NLRP5: variants seen among roughly 807,000 people sequenced by gnomAD.
NLRP5 encodes NLR family pyrin domain containing 5.
In NLRP5, 93 loss-of-function variants were observed where a neutral mutation model predicts 113.1. The ratio of observed to expected loss-of-function variants is 0.82; its 90% CI spans 0.70 to 0.98. NLRP5 has a LOEUF of 0.98. NLRP5 is among the 50% of genes least tolerant of loss of function. The pLI is 0.00. For synonymous variants in NLRP5, 751 were observed against 600.7 expected, an observed-to-expected ratio of 1.25 and a Z score of -3.66; for missense variants, 1,808 against 1,514.3, an observed-to-expected ratio of 1.19 and a Z score of -3.22.
intron 11 of NLRP5, among the ~76,000 whole-genome samples, chr19:56,043,247 ACCACAT>A (rs1983585839): frequency 6.6e-6 from 1 of 152,040 alleles, no homozygotes; most frequent in African/African-American, 2.4e-5. Flanking sequence ...TTCCCTGATC[ACCACAT>A]CCACCCCAGC....
At chr19:56,004,227 CTA>C in intron 2 of NLRP5, 132 bp downstream of exon 2, 1 of 958,166 alleles carries the variant, frequency 1.0e-6, no homozygotes, top group Non-Finnish European at 1.5e-6. Context: ...GAGAAGGATC[CTA>C]TTGGTCATCG....
At chr19:56,038,288 G>A (rs1983395200) in intron 10 of NLRP5, 93 bp downstream of exon 10, 6 of 1,370,508 alleles carry the variant, frequency 4.4e-6, no homozygotes, top group African/African-American at 4.3e-5. Flanking sequence ...AGGGAAATGA[G>A]CAGATGTACA....
chr19:56,013,596 G>GTTTTTTTTTTTTTTGTTTTTT (rs1982288523), intron 3 of NLRP5, among the ~76,000 whole-genome samples: 2 of 59,282 alleles, frequency 3.4e-5, no homozygotes, highest in Non-Finnish European at 5.8e-5. Flanking sequence ...GGACATTTGG[G>GTTTTTTTTTTTTTTGTTTTTT]TTTTTTTTTT....
intron 14 of NLRP5, among the ~76,000 whole-genome samples, chr19:56,060,486 G>A (rs558300060): frequency 3.3e-5 from 5 of 152,064 alleles, no homozygotes; most frequent in Non-Finnish European, 5.9e-5. Context: ...GACGTTCTTC[G>A]AGAATCTGCT....
intron 14 of NLRP5, 126 bp from the exon 15 acceptor site, chr19:56,061,270 T>C: frequency 1.1e-6 from 1 of 940,908 alleles, no homozygotes; most frequent in Non-Finnish European, 1.5e-6. Flanking sequence ...TTTAACTCTT[T>C]GGGGCACGTT....
chr19:56,040,490 C>T (rs1321527149), intron 10 of NLRP5, among the ~76,000 whole-genome samples: 3 of 152,176 alleles, frequency 2.0e-5, no homozygotes, highest in Non-Finnish European at 4.4e-5. Context: ...ATCATTTGAA[C>T]CTGAGAGCAG....
chr19:55,998,696 ATATATATG>A (rs1213775353), upstream of NLRP5, among the ~76,000 whole-genome samples: 74 of 60,540 alleles, frequency 1.2e-3, no homozygotes, highest in African/African-American at 3.7e-3. Flanking sequence ...ATATATATAT[ATATATATG>A]TGTGTGTGTG....
intron 3 of NLRP5, among the ~76,000 whole-genome samples, chr19:56,010,238 G>C (rs1043556718): frequency 6.6e-6 from 1 of 152,130 alleles, no homozygotes; most frequent in African/African-American, 2.4e-5. Flanking sequence ...GCTGTCGTTA[G>C]TCATGCAGCG....
Position 56,053,785 on chromosome 19 carries a change from G to T in NLRP5, c.3276G>T (p.Lys1092Asn). The change falls in exon 13 of 15, where the codon AAG (lysine) becomes AAT (asparagine). Residue 1092 changes from lysine (K) to asparagine (N), a missense_variant. Transcript: ENST00000390649. Reference sequence around the variant, plus strand: ...CGCTGTGCGAGGGACTGAAGCAAAAGAACAGTGTTCTGGCGAGACTCGGGT... The same window carrying T: ...CGCTGTGCGAGGGACTGAAGCAAAATAACAGTGTTCTGGCGAGACTCGGGT... The T allele has an allele frequency of 6.2e-7, 1 of 1,613,904 alleles. No individual in the cohort carries two copies. The highest frequency in any genetic ancestry group is 8.5e-7 in the Non-Finnish European group (1 of 1,179,860).
intron 10 of NLRP5, 32 bp downstream of exon 10, chr19:56,038,227 C>T (rs759550470): frequency 8.3e-6 from 13 of 1,573,524 alleles, no homozygotes; most frequent in East Asian, 4.5e-5. Context: ...CCAGGATTAT[C>T]GTAACTTCCA....
intron 3 of NLRP5, among the ~76,000 whole-genome samples, chr19:56,015,489 C>T (rs1216998818): frequency 4.6e-5 from 7 of 152,152 alleles, no homozygotes; most frequent in Non-Finnish European, 7.3e-5. Flanking sequence ...AGCCACTGTG[C>T]CTGGCATTGT....
At chr19:56,009,964 ATGT>A (rs1254469298) in intron 3 of NLRP5, among the ~76,000 whole-genome samples, 1 of 152,208 alleles carries the variant, frequency 6.6e-6, no homozygotes, top group African/African-American at 2.4e-5. Flanking sequence ...TGAGTGTGAC[ATGT>A]TATCCTTCAT....
rs1568483148 is a variant in NLRP5, at chr19:56,007,922, T to TGTGTGTGTGTGTGCGCGCGCGCGCGTGC, written c.443-854_443-853insGCGCGCGCGCGCGTGCGTGTGTGTGTGT. Among the ~76,000 whole-genome samples the TGTGTGTGTGTGTGCGCGCGCGCGCGTGC allele has an allele frequency of 7.1e-5, 9 of 126,362 alleles. 1 individual carries two copies. Among genetic ancestry groups the TGTGTGTGTGTGTGCGCGCGCGCGCGTGC allele is most frequent in the African/African-American group, 2.9e-4 (9 of 30,742 alleles). The allele number at this position is 126,362 out of a possible 152,430, so 82.9% of individuals were successfully genotyped here. The stretch of plus-strand genomic sequence containing the variant: ...GCGCGTGCGTGTGTGTGTGTGTGTG[T>TGTGTGTGTGTGTGCGCGCGCGCGCGTGC]GTGTGTGTGTGTTTGAAACAGAGTC... On this transcript the variant is annotated intron_variant, in intron 2 of 14. Transcript: ENST00000390649.
intron 10 of NLRP5, 77 bp downstream of exon 10, chr19:56,038,272 G>C (rs1463084573): frequency 6.8e-7 from 1 of 1,472,906 alleles, no homozygotes; most frequent in Non-Finnish European, 9.4e-7. Context: ...TCCAGGTCAT[G>C]GTGGGAGGGA....
At chr19:56,033,738 T>G (rs1983211259) in intron 9 of NLRP5, 29 bp downstream of exon 9, 1 of 1,551,198 alleles carries the variant, frequency 6.4e-7, no homozygotes, top group East Asian at 2.3e-5. Flanking sequence ...TTTTGCCTTG[T>G]TTTTCTTCGT....
In NLRP5 at chr19:56,000,755, C is replaced by T. The variant is rs546919179; in HGVS notation, c.62+968C>T. Among the ~76,000 whole-genome samples the T allele has an allele frequency of 1.1e-3, 168 of 152,038 alleles. 1 individual carries two copies. The highest frequency in any genetic ancestry group is 3.4e-3 in the Middle Eastern group (1 of 294). ...GGGTGTGGTGGCTCACGCCTATAAT[C>T]TCAGCACTTTGGGAGGCCGAGGCTG... On this transcript the variant is annotated intron_variant, in intron 1 of 14. Transcript: ENST00000390649.
intron 13 of NLRP5, among the ~76,000 whole-genome samples, chr19:56,054,035 A>G (rs1984035323): frequency 6.6e-6 from 1 of 152,152 alleles, no homozygotes; most frequent in African/African-American, 2.4e-5. Context: ...TGGAGGTAGA[A>G]AACCCTCAAC....
In NLRP5 at chr19:56,030,009, C is replaced by T. The variant is rs188737237; in HGVS notation, c.2276+1500C>T. ...GGCAGAGGTTGCAGTGAGCCGAGAT[C>T]ACGCCACTGCACTCCAGCCTGGGCA... On this transcript the variant is annotated intron_variant, in intron 7 of 14. Transcript: ENST00000390649. Among the ~76,000 whole-genome samples the T allele has an allele frequency of 9.4e-5, 14 of 148,368 alleles. No individual in the cohort carries two copies. The East Asian group carries it at 1.6e-3, about 17-fold the overall frequency.
intron 2 of NLRP5, among the ~76,000 whole-genome samples, chr19:56,006,122 A>T (rs992846933): frequency 1.3e-5 from 2 of 152,162 alleles, no homozygotes; most frequent in African/African-American, 4.8e-5. Flanking sequence ...CATGTCCTTT[A>T]TAGGGACATG....
Sources: allele counts gnomAD v4.1 joint callset (sites outside exome capture counted in the v4.1 genomes callset), GRCh38; gene constraint gnomAD v4.1.1; transcripts MANE v1.5; gene names NCBI Gene and HGNC (gene_info 2026-07-23, HGNC 2026-07-21).